The following PCDH11X variants were observed in gnomAD, a reference collection of about 807,000 sequenced individuals.
The protein encoded by PCDH11X is protocadherin-11 X-linked.
Under a neutral mutation model 53.3 loss-of-function variants are expected in PCDH11X, and 18 were observed. The observed-to-expected ratio is 0.34, with a 90% CI of 0.23 to 0.50. PCDH11X has a LOEUF of 0.50. PCDH11X is among the 20% of genes least tolerant of loss of function. The pLI, the probability that PCDH11X is intolerant of heterozygous loss-of-function variation, is 0.98. For missense variants in PCDH11X, 570 were observed against 1,032.4 expected, an observed-to-expected ratio of 0.55 and a Z score of 6.14; for synonymous variants, 279 against 393.3, an observed-to-expected ratio of 0.71 and a Z score of 3.44.
At chrX:92,118,794 T>C (rs1403793442) in intron 6 of PCDH11X, among the ~76,000 whole-genome samples, 1 of 88,410 alleles carries the variant, frequency 1.1e-5, no homozygotes, top group African/African-American at 4.6e-5. Context: ...TAGGCTGGAG[T>C]GCAGTGGTGC....
At chrX:92,482,401 A>G (rs2073527543) in intron 10 of PCDH11X, among the ~76,000 whole-genome samples, 1 of 109,552 alleles carries the variant, frequency 9.1e-6, no homozygotes, top group Non-Finnish European at 1.9e-5. Flanking sequence ...TAACCTGTGA[A>G]ATAATTTTCT....
chrX:92,220,931 C>T (rs2066855700), intron 7 of PCDH11X, among the ~76,000 whole-genome samples: 1 of 105,348 alleles, frequency 9.5e-6, no homozygotes, highest in African/African-American at 3.5e-5. Flanking sequence ...TCATCATTCT[C>T]AGTAAACTAT....
At chrX:91,834,333 T>A (rs1937219495) in intron 4 of PCDH11X, among the ~76,000 whole-genome samples, 1 of 109,351 alleles carries the variant, frequency 9.1e-6, no homozygotes, top group Non-Finnish European at 1.9e-5. Context: ...GTCAGAAGAG[T>A]TCAAGAACTG....
intron 6 of PCDH11X, among the ~76,000 whole-genome samples, chrX:91,978,253 G>C (rs1421967392): frequency 2.8e-5 from 3 of 108,502 alleles, no homozygotes; most frequent in African/African-American, 1.0e-4. Flanking sequence ...TCTTATGACT[G>C]TGCTTTTCTC....
intron 7 of PCDH11X, among the ~76,000 whole-genome samples, chrX:92,262,776 A>G (rs2067744991): frequency 9.0e-6 from 1 of 111,580 alleles, no homozygotes; most frequent in Non-Finnish European, 1.9e-5. Flanking sequence ...GTGACACCAT[A>G]ACAGAATATC....
At chrX:92,367,015 T>C (rs1219547685) in intron 8 of PCDH11X, among the ~76,000 whole-genome samples, 1 of 108,733 alleles carries the variant, frequency 9.2e-6, no homozygotes, top group Non-Finnish European at 1.9e-5. Flanking sequence ...TAGGTCTGCT[T>C]GGTCCAGAGC....
intron 9 of PCDH11X, chrX:92,460,812 G>A (rs761953193): frequency 8.3e-5 from 94 of 1,127,035 alleles, no homozygotes; most frequent in Admixed American, 1.1e-4. Flanking sequence ...CCGCCTGCTG[G>A]AAGATGGCGA....
At chrX:91,838,366 C>A (rs1183534712) in intron 5 of PCDH11X, among the ~76,000 whole-genome samples, 1 of 111,484 alleles carries the variant, frequency 9.0e-6, no homozygotes, top group Non-Finnish European at 1.9e-5. Flanking sequence ...GTGTGATAAG[C>A]CTAAAGTAAC....
chrX:92,265,616 T>C (rs920863158), intron 8 of PCDH11X, among the ~76,000 whole-genome samples: 4 of 111,671 alleles, frequency 3.6e-5, no homozygotes, highest in South Asian at 7.4e-4. Flanking sequence ...CGTACATATA[T>C]ATAGGAATGT....
chrX:91,804,778 G>C (rs1397915054), intron 1 of PCDH11X, among the ~76,000 whole-genome samples: 1 of 110,934 alleles, frequency 9.0e-6, no homozygotes, highest in Non-Finnish European at 1.9e-5. Context: ...CATGATAAAA[G>C]ACAGCCAAAT....
intron 6 of PCDH11X, among the ~76,000 whole-genome samples, chrX:92,100,282 T>G (rs1352980461): frequency 9.0e-6 from 1 of 111,674 alleles, no homozygotes; most frequent in African/African-American, 3.3e-5. Flanking sequence ...AGGCTTTGTG[T>G]GAGCAACATG....
At chrX:91,868,529 C>T (rs1939110123) in intron 5 of PCDH11X, among the ~76,000 whole-genome samples, 1 of 111,670 alleles carries the variant, frequency 9.0e-6, no homozygotes, top group Admixed American at 9.5e-5. Context: ...GAGTTAGAAG[C>T]ACTCAAGAAG....
At chrX:91,911,447 G>A (rs1285805971) in intron 6 of PCDH11X, among the ~76,000 whole-genome samples, 14 of 109,185 alleles carry the variant, frequency 1.3e-4, no homozygotes, top group Non-Finnish European at 1.5e-4. Flanking sequence ...TACTTCCTTC[G>A]TGTGTGTTAC....
chrX:92,579,896 G>C, intron 10 of PCDH11X, among the ~76,000 whole-genome samples: 1 of 111,105 alleles, frequency 9.0e-6, no homozygotes, highest in Non-Finnish European at 1.9e-5. Flanking sequence ...TCGGATCTTA[G>C]AGGCTGCTGA....
chrX:92,268,830 G>T (rs1362362977), intron 8 of PCDH11X, among the ~76,000 whole-genome samples: 1 of 112,026 alleles, frequency 8.9e-6, no homozygotes, highest in Non-Finnish European at 1.9e-5. Flanking sequence ...ACACTTATCA[G>T]CCAGGCACAG....
At chrX:91,822,317 G>T (rs1188132032) in intron 4 of PCDH11X, among the ~76,000 whole-genome samples, 2 of 104,323 alleles carry the variant, frequency 1.9e-5, no homozygotes, top group Non-Finnish European at 3.9e-5. Flanking sequence ...ACTCTTTTTG[G>T]TTGGTAAGCT....
At chrX:92,054,171 T>C (rs1207909641) in intron 6 of PCDH11X, among the ~76,000 whole-genome samples, 1 of 111,564 alleles carries the variant, frequency 9.0e-6, no homozygotes, top group Non-Finnish European at 1.9e-5. Flanking sequence ...AAATGCCTCA[T>C]TAATTGCTAA....
At chrX:92,510,217 C>T (rs2148705927) in intron 10 of PCDH11X, among the ~76,000 whole-genome samples, 1 of 105,069 alleles carries the variant, frequency 9.5e-6, no homozygotes, top group South Asian at 4.6e-4. Flanking sequence ...GGGATCATTA[C>T]CAGGCTATAA....
Position 92,473,333 on chromosome X carries a change from G to T in PCDH11X, c.3367+5011G>T, listed in dbSNP as rs756389992. On this transcript the variant is annotated intron_variant, in intron 10 of 10. Transcript: ENST00000682573. Reference sequence around the variant, plus strand: ...CCTTTTACATCTCTGGTTTTATTCAGGTCTTCTCTCTTTTCTCTTAGTCTG... The same window carrying T: ...CCTTTTACATCTCTGGTTTTATTCATGTCTTCTCTCTTTTCTCTTAGTCTG... 2.8e-3 allele frequency among the ~76,000 whole-genome samples: 311 copies of T among 110,434 alleles called. 1 individual carries two copies. The highest frequency in any genetic ancestry group is 9.9e-3 in the African/African-American group (300 of 30,434).
Sources: allele counts gnomAD v4.1 joint callset (sites outside exome capture counted in the v4.1 genomes callset), GRCh38; gene constraint gnomAD v4.1.1; transcripts MANE v1.5; gene names NCBI Gene and HGNC (gene_info 2026-07-23, HGNC 2026-07-21).